The following ZFPM2 variants were observed in gnomAD, a reference collection of about 807,000 sequenced individuals.
The protein encoded by ZFPM2 is zinc finger protein, FOG family member 2.
A neutral mutation model predicts 98.6 loss-of-function variants in ZFPM2; 20 were observed. That is an observed-to-expected ratio of 0.20 (90% CI 0.14 to 0.29). ZFPM2 has a LOEUF of 0.29. Ranked by LOEUF, ZFPM2 falls within the 10% of genes least tolerant of loss-of-function variation. The pLI is 1.00. For synonymous variants in ZFPM2, 518 were observed against 502.7 expected (o/e 1.03, Z -0.41); for missense variants, 1,310 against 1,388.6 (o/e 0.94, Z 0.90).
At chr8:105,362,330 C>G (rs776976407) in intron 1 of ZFPM2, among the ~76,000 whole-genome samples, 1 of 151,786 alleles carries the variant, frequency 6.6e-6, no homozygotes, top group Non-Finnish European at 1.5e-5. Flanking sequence ...TATACTGGAT[C>G]AGGGTAACTG....
chr8:105,591,027 T>A (rs1253287402), intron 4 of ZFPM2, among the ~76,000 whole-genome samples: 3 of 152,194 alleles, frequency 2.0e-5, no homozygotes, highest in Non-Finnish European at 4.4e-5. Context: ...GGGTAACAAC[T>A]ACCCTTGTTC....
intron 5 of ZFPM2, among the ~76,000 whole-genome samples, chr8:105,761,812 G>A (rs1812739321): frequency 6.6e-6 from 1 of 151,908 alleles, no homozygotes; most frequent in Admixed American, 6.6e-5. Context: ...AGTTATGCGA[G>A]TTTGATAAAA....
At chr8:105,786,103 C>T (rs1233081381) in intron 5 of ZFPM2, among the ~76,000 whole-genome samples, 1 of 150,168 alleles carries the variant, frequency 6.7e-6, no homozygotes, top group Non-Finnish European at 1.5e-5. Flanking sequence ...CCTGTAGTCC[C>T]AACTACTCAC....
intron 1 of ZFPM2, among the ~76,000 whole-genome samples, chr8:105,333,640 C>T (rs561157919): frequency 1.3e-5 from 2 of 151,732 alleles, no homozygotes; most frequent in African/African-American, 4.8e-5. Flanking sequence ...CTCATTACAG[C>T]ATGGTTTCTG....
chr8:105,398,465 A>G (rs1351879993), intron 1 of ZFPM2, among the ~76,000 whole-genome samples: 1 of 152,144 alleles, frequency 6.6e-6, no homozygotes, highest in Non-Finnish European at 1.5e-5. Context: ...ATTATTTTTT[A>G]GAATGGCAGT....
At chr8:105,775,248 A>T (rs1239297600) in intron 5 of ZFPM2, among the ~76,000 whole-genome samples, 4 of 152,082 alleles carry the variant, frequency 2.6e-5, no homozygotes, top group Non-Finnish European at 4.4e-5. Flanking sequence ...ACAGCCTCCT[A>T]TGATGAACTT....
chr8:105,419,423 C>A (rs1461852778), intron 2 of ZFPM2, 121 bp downstream of exon 2: 9 of 1,229,890 alleles, frequency 7.3e-6, no homozygotes, highest in African/African-American at 1.6e-5. Context: ...AAAATAAGTG[C>A]AGATTTTTTT....
chr8:105,614,261 A>G (rs1254085955), intron 4 of ZFPM2, among the ~76,000 whole-genome samples: 1 of 152,100 alleles, frequency 6.6e-6, no homozygotes, highest in Admixed American at 6.6e-5. Context: ...AGCATGTTGC[A>G]TGTTTGCTTC....
chr8:105,459,181 G>A (rs1392477274), intron 3 of ZFPM2, among the ~76,000 whole-genome samples: 2 of 152,064 alleles, frequency 1.3e-5, no homozygotes, highest in East Asian at 3.9e-4. Flanking sequence ...CAGATAGCTG[G>A]GACCACAGGT....
chr8:105,700,270 C>T (rs907594678), intron 5 of ZFPM2, among the ~76,000 whole-genome samples: 142 of 152,290 alleles, frequency 9.3e-4, no homozygotes, highest in African/African-American at 3.0e-3. Flanking sequence ...CAGTGAGGAA[C>T]GACTTAGCCT....
At chr8:105,674,196 A>G (rs1563516007) in intron 5 of ZFPM2, among the ~76,000 whole-genome samples, 1 of 152,230 alleles carries the variant, frequency 6.6e-6, no homozygotes, top group Non-Finnish European at 1.5e-5. Context: ...GATAATGCAG[A>G]CGCTCTTTTA....
intron 4 of ZFPM2, chr8:105,616,831 A>G (rs1380409177): frequency 1.0e-5 from 2 of 198,786 alleles, no homozygotes; most frequent in Non-Finnish European, 2.1e-5. Context: ...TGGCCTGGCC[A>G]ACATGGTGAA....
At chr8:105,790,583 T>C (rs1203515645) in intron 6 of ZFPM2, among the ~76,000 whole-genome samples, 2 of 152,108 alleles carry the variant, frequency 1.3e-5, no homozygotes. Flanking sequence ...GCGGGCTCTT[T>C]TTTGGTTCCA....
intron 5 of ZFPM2, among the ~76,000 whole-genome samples, chr8:105,750,377 T>A (rs534988865): frequency 1.7e-4 from 26 of 152,222 alleles, no homozygotes; most frequent in African/African-American, 6.0e-4. Flanking sequence ...ATTTAACAAG[T>A]TAATTATTTT....
intron 4 of ZFPM2, among the ~76,000 whole-genome samples, chr8:105,573,245 C>T (rs1039649840): frequency 2.0e-5 from 3 of 152,170 alleles, no homozygotes; most frequent in Admixed American, 2.0e-4. Flanking sequence ...AGACAAAAGC[C>T]ACAGTGCTTT....
intron 1 of ZFPM2, among the ~76,000 whole-genome samples, chr8:105,330,553 C>CAT (rs61051244): frequency 0.31 from 28,287 of 90,272 alleles, 4,964 homozygotes; most frequent in East Asian, 0.51. Context: ...TATATATATA[C>CAT]ATATATATAT....
chr8:105,519,339 G>A (rs1382045898), intron 3 of ZFPM2, among the ~76,000 whole-genome samples: 2 of 151,948 alleles, frequency 1.3e-5, no homozygotes, highest in Non-Finnish European at 2.9e-5. Context: ...TTAGCTCAAT[G>A]CCTGAAAACT....
intron 3 of ZFPM2, among the ~76,000 whole-genome samples, chr8:105,471,388 A>G (rs77116934): frequency 0.038 from 5,855 of 152,270 alleles, 364 homozygotes; most frequent in African/African-American, 0.13. Context: ...GGTTGACACT[A>G]TTTCAGGAGT....
chr8:105,383,333 C>T (rs1336915452), intron 1 of ZFPM2, among the ~76,000 whole-genome samples: 1 of 152,106 alleles, frequency 6.6e-6, no homozygotes, highest in Non-Finnish European at 1.5e-5. Context: ...ATTTACTTAG[C>T]AGACCTTTCT....
Sources: gnomAD v4.1 joint callset for allele counts (sites outside exome capture counted in the v4.1 genomes callset) on GRCh38, gnomAD v4.1.1 for gene constraint, MANE v1.5 for transcripts, NCBI Gene and HGNC (gene_info 2026-07-23, HGNC 2026-07-21) for gene names.